GRM5: variants seen among roughly 807,000 people sequenced by gnomAD.
The protein encoded by GRM5 is glutamate metabotropic receptor 5.
GRM5 carries 19 observed loss-of-function variants against 83.1 expected under a neutral mutation model. That is an observed-to-expected ratio of 0.23 (90% CI 0.16 to 0.34). The LOEUF (loss-of-function observed/expected upper bound fraction) is 0.34, where lower values mean the gene tolerates loss of function less well. Ranked by LOEUF, GRM5 falls within the 10% of genes least tolerant of loss-of-function variation. The pLI is 1.00. For missense variants in GRM5, 1,160 were observed against 1,588.3 expected, an observed-to-expected ratio of 0.73 and a Z score of 4.58; for synonymous variants, 675 against 633.6, an observed-to-expected ratio of 1.07 and a Z score of -0.98.
chr11:88,775,314 A>C (rs1473185414), intron 3 of GRM5, among the ~76,000 whole-genome samples: 1 of 151,762 alleles, frequency 6.6e-6, no homozygotes, highest in Non-Finnish European at 1.5e-5. Flanking sequence ...TATTGCATCT[A>C]TTTGATTCTT....
At chr11:88,749,865 T>G (rs1942227469) in intron 3 of GRM5, among the ~76,000 whole-genome samples, 1 of 151,654 alleles carries the variant, frequency 6.6e-6, no homozygotes, top group African/African-American at 2.4e-5. Flanking sequence ...AAGGAGAATT[T>G]TTTTTTGAGA....
intron 2 of GRM5, among the ~76,000 whole-genome samples, chr11:88,925,018 G>A (rs1945761723): frequency 6.6e-6 from 1 of 151,870 alleles, no homozygotes; most frequent in African/African-American, 2.4e-5. Flanking sequence ...CTTCAGCTAG[G>A]AAAAAACCTG....
chr11:88,670,103 A>G (rs1940152723), intron 3 of GRM5, among the ~76,000 whole-genome samples: 1 of 152,024 alleles, frequency 6.6e-6, no homozygotes, highest in African/African-American at 2.4e-5. Flanking sequence ...CCACATGCAT[A>G]CAGAGACTTA....
intron 8 of GRM5, among the ~76,000 whole-genome samples, chr11:88,541,620 A>G (rs1489671016): frequency 1.3e-5 from 2 of 152,218 alleles, no homozygotes; most frequent in Admixed American, 6.5e-5. Flanking sequence ...ATTAACATGG[A>G]TTTTATTCTC....
intron 8 of GRM5, among the ~76,000 whole-genome samples, chr11:88,541,948 A>G (rs1291032524): frequency 6.6e-6 from 1 of 152,124 alleles, no homozygotes; most frequent in Non-Finnish European, 1.5e-5. Context: ...TGTGAGATCT[A>G]AAGGTTTTAC....
At chr11:88,542,534 T>C (rs569805668) in intron 8 of GRM5, among the ~76,000 whole-genome samples, 5 of 152,186 alleles carry the variant, frequency 3.3e-5, no homozygotes, top group Middle Eastern at 3.2e-3. Flanking sequence ...AGAGATCTAT[T>C]GGTCACAAAG....
intron 8 of GRM5, among the ~76,000 whole-genome samples, chr11:88,526,115 G>T (rs1372162640): frequency 6.6e-6 from 1 of 152,162 alleles, no homozygotes; most frequent in Non-Finnish European, 1.5e-5. Flanking sequence ...AAAAGTTTCT[G>T]TAAACATTAA....
Position 88,506,033 on chromosome 11 carries a change from C to A in GRM5, c.*2559G>T, listed in dbSNP as rs1370021725. The A allele has an allele frequency of 1.3e-5, 2 of 152,086 alleles. No homozygotes were observed. Among genetic ancestry groups the A allele is most frequent in the South Asian group, 2.1e-4 (1 of 4,818 alleles). 9.4% of individuals were successfully genotyped at this position (152,086 alleles called of 1,614,324 possible). On this transcript the variant is annotated 3_prime_UTR_variant, in exon 10 of 10. Coordinates refer to ENST00000305447, the MANE Select transcript of GRM5 (RefSeq NM_001143831.3). ...TACTAATAATCTTATGTCCAACATA[C>A]AATGTATTCAATGGAGTGGCAAAAG...
At chr11:88,652,135 A>G (rs1939648438) in intron 4 of GRM5, among the ~76,000 whole-genome samples, 1 of 152,130 alleles carries the variant, frequency 6.6e-6, no homozygotes. Context: ...AAAACTTATC[A>G]GAGCAAGTAT....
At chr11:88,950,736 G>A (rs999554791) in intron 2 of GRM5, among the ~76,000 whole-genome samples, 6 of 152,124 alleles carry the variant, frequency 3.9e-5, no homozygotes, top group African/African-American at 1.2e-4. Context: ...CTCTCCTTCT[G>A]TCATTATTTG....
intron 5 of GRM5, among the ~76,000 whole-genome samples, chr11:88,602,691 C>A (rs1159552594): frequency 6.6e-6 from 1 of 152,142 alleles, no homozygotes; most frequent in African/African-American, 2.4e-5. Context: ...GAAGTTGAAG[C>A]CCAGGAGACA....
intron 3 of GRM5, among the ~76,000 whole-genome samples, chr11:88,843,259 G>A (rs546309585): frequency 6.2e-4 from 94 of 152,038 alleles, no homozygotes; most frequent in African/African-American, 2.2e-3. Context: ...TGTAATCAGC[G>A]ATCTTTTTCG....
intron 1 of GRM5, among the ~76,000 whole-genome samples, chr11:89,050,324 C>G (rs1302146689): frequency 6.6e-6 from 1 of 152,140 alleles, no homozygotes; most frequent in African/African-American, 2.4e-5. Flanking sequence ...CCCATCTATT[C>G]ATTAACTCAC....
At chr11:88,928,944 A>ACACACACTCT in intron 2 of GRM5, among the ~76,000 whole-genome samples, 1 of 151,088 alleles carries the variant, frequency 6.6e-6, no homozygotes, top group African/African-American at 2.4e-5. Context: ...ACACACACAC[A>ACACACACTCT]CTCAAGAGTT....
At chr11:88,875,431 T>C (rs575777777) in intron 2 of GRM5, among the ~76,000 whole-genome samples, 1 of 152,110 alleles carries the variant, frequency 6.6e-6, no homozygotes, top group African/African-American at 2.4e-5. Flanking sequence ...ATTCTTCTAC[T>C]TGAAGTCTTG....
chr11:88,802,420 T>A (rs1943414605), intron 3 of GRM5, among the ~76,000 whole-genome samples: 1 of 152,146 alleles, frequency 6.6e-6, no homozygotes, highest in African/African-American at 2.4e-5. Flanking sequence ...GTCATTATAA[T>A]AAATGAAACA....
chr11:88,830,848 C>T (rs1010825010), intron 3 of GRM5, among the ~76,000 whole-genome samples: 13 of 152,224 alleles, frequency 8.5e-5, no homozygotes, highest in African/African-American at 2.9e-4. Flanking sequence ...GGAGACCTCA[C>T]AATCACGAAG....
chr11:88,724,059 T>C (rs1027899498), intron 3 of GRM5, among the ~76,000 whole-genome samples: 2 of 152,164 alleles, frequency 1.3e-5, no homozygotes, highest in African/African-American at 4.8e-5. Context: ...TAGGAGATAG[T>C]TCAAATCCTT....
At chr11:88,601,949 G>A (rs1046690238) in intron 5 of GRM5, among the ~76,000 whole-genome samples, 2 of 152,274 alleles carry the variant, frequency 1.3e-5, no homozygotes, top group Admixed American at 1.3e-4. Flanking sequence ...ACAAGCAGCA[G>A]ACTCCATGTG....
Sources: gnomAD v4.1 joint callset for allele counts (sites outside exome capture counted in the v4.1 genomes callset) on GRCh38, gnomAD v4.1.1 for gene constraint, MANE v1.5 for transcripts, NCBI Gene and HGNC (gene_info 2026-07-23, HGNC 2026-07-21) for gene names.